NCKAP5: variants seen among roughly 807,000 people sequenced by gnomAD.
NCKAP5 encodes NCK associated protein 5.
Under a neutral mutation model 167.0 loss-of-function variants are expected in NCKAP5, and 92 were observed. That is an observed-to-expected ratio of 0.55 (90% CI 0.47 to 0.66). The LOEUF is 0.66. NCKAP5 is among the 30% of genes least tolerant of loss of function. The pLI is 0.00. For missense variants in NCKAP5, 2,378 were observed against 2,315.0 expected, an observed-to-expected ratio of 1.03 and a Z score of -0.56; for synonymous variants, 891 against 877.4, an observed-to-expected ratio of 1.02 and a Z score of -0.27.
At chr2:133,540,948 A>AG (rs200655961) in intron 2 of NCKAP5, among the ~76,000 whole-genome samples, 2,413 of 150,606 alleles carry the variant, frequency 0.016, 85 homozygotes, top group African/African-American at 0.056. Flanking sequence ...AAAAAAAAAA[A>AG]AAAGAAAGAA....
At chr2:133,489,135 T>C (rs1681213924) in intron 3 of NCKAP5, among the ~76,000 whole-genome samples, 3 of 152,154 alleles carry the variant, frequency 2.0e-5, no homozygotes, top group African/African-American at 7.2e-5. Flanking sequence ...CATCTCCATT[T>C]TGGCAATCTC....
chr2:133,158,998 A>C, intron 5 of NCKAP5, among the ~76,000 whole-genome samples: 2 of 151,780 alleles, frequency 1.3e-5, no homozygotes, highest in Non-Finnish European at 2.9e-5. Flanking sequence ...ATTTGGCAAG[A>C]GTGGTTTTGC....
chr2:132,735,967 A>G (rs1483233914), intron 16 of NCKAP5, among the ~76,000 whole-genome samples: 1 of 152,184 alleles, frequency 6.6e-6, no homozygotes, highest in Non-Finnish European at 1.5e-5. Context: ...TTCAACACCC[A>G]ATATTGTTAT....
At chr2:133,470,062 G>C (rs548537142) in intron 3 of NCKAP5, among the ~76,000 whole-genome samples, 3 of 152,088 alleles carry the variant, frequency 2.0e-5, no homozygotes, top group African/African-American at 7.2e-5. Context: ...GAGGAACTGC[G>C]TTCCTTTGGA....
intron 3 of NCKAP5, among the ~76,000 whole-genome samples, chr2:133,392,869 G>A (rs1490582415): frequency 6.6e-6 from 1 of 152,142 alleles, no homozygotes; most frequent in East Asian, 1.9e-4. Context: ...GGGATCATGT[G>A]TATTACTGAA....
At chr2:133,336,671 A>G (rs919180019) in intron 3 of NCKAP5, among the ~76,000 whole-genome samples, 1 of 152,192 alleles carries the variant, frequency 6.6e-6, no homozygotes, top group Non-Finnish European at 1.5e-5. Context: ...ATAAAACAAG[A>G]TGGTAGTCTC....
chr2:133,241,061 C>A (rs570714193), intron 4 of NCKAP5, among the ~76,000 whole-genome samples: 1 of 152,310 alleles, frequency 6.6e-6, no homozygotes, highest in African/African-American at 2.4e-5. Flanking sequence ...GATTTACTTT[C>A]TGTTTCAAGC....
chr2:133,075,971 A>G (rs1485003177), intron 6 of NCKAP5, among the ~76,000 whole-genome samples: 1 of 152,136 alleles, frequency 6.6e-6, no homozygotes, highest in Non-Finnish European at 1.5e-5. Context: ...AACCCACTTC[A>G]AATATAATAA....
At chr2:133,250,387 A>C (rs1422186711) in intron 4 of NCKAP5, among the ~76,000 whole-genome samples, 1 of 151,956 alleles carries the variant, frequency 6.6e-6, no homozygotes, top group Non-Finnish European at 1.5e-5. Context: ...CTGGACACCC[A>C]CCACCAGCTT....
intron 8 of NCKAP5, among the ~76,000 whole-genome samples, chr2:132,948,126 A>T (rs1558976869): frequency 6.6e-6 from 1 of 152,232 alleles, no homozygotes; most frequent in South Asian, 2.1e-4. Context: ...AACGGTAATG[A>T]TGACAGTTTT....
At chr2:133,059,779 C>T (rs2079932861) in intron 6 of NCKAP5, among the ~76,000 whole-genome samples, 1 of 151,938 alleles carries the variant, frequency 6.6e-6, no homozygotes, top group South Asian at 2.1e-4. Flanking sequence ...GTGAACCTAA[C>T]TTTTATATGC....
intron 15 of NCKAP5, among the ~76,000 whole-genome samples, chr2:132,780,609 T>C (rs1356738204): frequency 6.6e-6 from 1 of 152,220 alleles, no homozygotes; most frequent in Non-Finnish European, 1.5e-5. Flanking sequence ...ACATGAACAA[T>C]GCTTAAATCA....
intron 8 of NCKAP5, among the ~76,000 whole-genome samples, chr2:132,891,051 G>A (rs1447693198): frequency 6.6e-6 from 1 of 152,228 alleles, no homozygotes; most frequent in Non-Finnish European, 1.5e-5. Context: ...GTTTAAAAAA[G>A]TTGAGGAGCT....
intron 16 of NCKAP5, among the ~76,000 whole-genome samples, chr2:132,755,552 C>T (rs1010075336): frequency 4.0e-5 from 6 of 151,886 alleles, no homozygotes; most frequent in South Asian, 2.1e-4. Context: ...AACTATAGGC[C>T]GGGCATGGTG....
intron 3 of NCKAP5, among the ~76,000 whole-genome samples, chr2:133,355,055 C>G (rs1353722204): frequency 6.6e-6 from 1 of 152,100 alleles, no homozygotes; most frequent in Non-Finnish European, 1.5e-5. Context: ...GTTCATTGAC[C>G]TTTATATTTA....
At chr2:133,219,336 A>T (rs2086561037) in intron 4 of NCKAP5, among the ~76,000 whole-genome samples, 1 of 152,236 alleles carries the variant, frequency 6.6e-6, no homozygotes, top group African/African-American at 2.4e-5. Flanking sequence ...CAGCTAGGTG[A>T]TGAAGGAGCA....
At chr2:132,773,419 A>T (rs1682265334) in intron 16 of NCKAP5, among the ~76,000 whole-genome samples, 1 of 152,196 alleles carries the variant, frequency 6.6e-6, no homozygotes, top group South Asian at 2.1e-4. Flanking sequence ...GGCAAACCGT[A>T]TTTTCTTATT....
chr2:133,646,668 TA>T, the NCKAP5 span, among the ~76,000 whole-genome samples: 1 of 152,134 alleles, frequency 6.6e-6, no homozygotes, highest in Non-Finnish European at 1.5e-5. Flanking sequence ...AACTCATGAG[TA>T]AAGGTAAGTA....
intron 2 of NCKAP5, among the ~76,000 whole-genome samples, chr2:133,551,991 A>G (rs1422864989): frequency 2.3e-5 from 3 of 130,796 alleles, no homozygotes; most frequent in East Asian, 4.4e-4. Context: ...AACACATGAA[A>G]AAATGCTCAT....
Sources: allele counts gnomAD v4.1 joint callset (sites outside exome capture counted in the v4.1 genomes callset), GRCh38; gene constraint gnomAD v4.1.1; transcripts MANE v1.5; gene names NCBI Gene and HGNC (gene_info 2026-07-23, HGNC 2026-07-21).